The following SOX6 variants were observed in gnomAD, a reference collection of about 807,000 sequenced individuals.
The protein encoded by SOX6 is SRY-box transcription factor 6, also known as transcription factor SOX-6.
Under a neutral mutation model 97.8 loss-of-function variants are expected in SOX6, and 11 were observed. The ratio of observed to expected loss-of-function variants is 0.11; its 90% CI spans 0.07 to 0.19. The LOEUF is 0.19. Among genes scored for constraint, SOX6 ranks in the 10% least tolerant of loss-of-function variants. The pLI is 1.00. For synonymous variants in SOX6, 360 were observed against 371.4 expected (o/e 0.97, Z 0.35); for missense variants, 810 against 1,039.5 (o/e 0.78, Z 3.04).
chr11:16,227,938 C>T (rs939405762), intron 4 of SOX6, among the ~76,000 whole-genome samples: 4 of 152,120 alleles, frequency 2.6e-5, no homozygotes, highest in Non-Finnish European at 5.9e-5. Context: ...TGGCTCATGC[C>T]TGTAATTCCA....
intron 1 of SOX6, among the ~76,000 whole-genome samples, chr11:16,441,843 G>A (rs539784122): frequency 2.6e-5 from 4 of 152,130 alleles, no homozygotes; most frequent in South Asian, 2.1e-4. Context: ...GAAACACGCC[G>A]GTATTTTATC....
chr11:16,307,535 G>T (rs770279491), intron 3 of SOX6, among the ~76,000 whole-genome samples: 2 of 152,068 alleles, frequency 1.3e-5, no homozygotes, highest in Non-Finnish European at 2.9e-5. Flanking sequence ...TCTCTCCCCT[G>T]TCCATAACAT....
At chr11:15,986,055 A>G (rs1853827079) in intron 15 of SOX6, 149 bp downstream of exon 15, 3 of 805,754 alleles carry the variant, frequency 3.7e-6, no homozygotes, top group African/African-American at 1.7e-5. Context: ...TGCCCCTATG[A>G]CACAGCAAAG....
chr11:16,130,485 A>G (rs534774238), intron 6 of SOX6, among the ~76,000 whole-genome samples: 1 of 152,084 alleles, frequency 6.6e-6, no homozygotes, highest in East Asian at 1.9e-4. Flanking sequence ...GAAAATTACA[A>G]AGGAAAATTT....
At chr11:16,572,129 C>G (rs1443114348) in intron 4 of SOX6, among the ~76,000 whole-genome samples, 1 of 147,476 alleles carries the variant, frequency 6.8e-6, no homozygotes, top group Non-Finnish European at 1.5e-5. Context: ...ATAAATGTGT[C>G]ATGGTATACT....
intron 4 of SOX6, among the ~76,000 whole-genome samples, chr11:16,554,052 G>C (rs1406603991): frequency 6.6e-6 from 1 of 152,064 alleles, no homozygotes; most frequent in Non-Finnish European, 1.5e-5. Flanking sequence ...ATTGGTCATA[G>C]GGACCTATAG....
intron 4 of SOX6, among the ~76,000 whole-genome samples, chr11:16,483,201 T>C (rs1860373299): frequency 6.6e-6 from 1 of 152,180 alleles, no homozygotes. Flanking sequence ...AGCATACAAA[T>C]AAGAGGCAAT....
At position 16,605,272 on chromosome 11, in the gene SOX6, C is replaced by T. The variant is rs1338965161; in HGVS notation, n.609+6809G>A. On this transcript the variant is annotated intron_variant and non_coding_transcript_variant, in intron 4 of 5. Transcript: ENST00000524520. This position sits in a 1 kb window ranked among gnomAD's most constrained non-coding sequence, Gnocchi z 5.3. ...AGAAACGTGCCGGCGACCGTGCGCT[C>T]GGCCGGGTGACTCCCTGGCGAAGTC... 6.6e-6 allele frequency among the ~76,000 whole-genome samples: 1 copy of T among 152,088 alleles called. No homozygotes were observed. The highest frequency in any genetic ancestry group is 1.5e-5 in the Non-Finnish European group (1 of 67,998).
intron 4 of SOX6, among the ~76,000 whole-genome samples, chr11:16,561,172 A>G (rs1159209953): frequency 2.0e-5 from 3 of 152,140 alleles, no homozygotes; most frequent in Non-Finnish European, 2.9e-5. Flanking sequence ...GAGGAATAAG[A>G]AAGGGAATAA....
chr11:16,165,930 C>T (rs562016184), intron 6 of SOX6, among the ~76,000 whole-genome samples: 3 of 149,420 alleles, frequency 2.0e-5, no homozygotes, highest in African/African-American at 7.4e-5. Context: ...AGACTAAATA[C>T]ATAGCATTTA....
In SOX6 at chr11:16,038,108, G is replaced by T. The variant is rs964935819; in HGVS notation, c.1623+8406C>A. On this transcript the variant is annotated intron_variant, in intron 12 of 15. Coordinates refer to ENST00000683767, the MANE Select transcript of SOX6 (RefSeq NM_001367873.1). ...TGACATAGCATTTATGTTGTGTTAG[G>T]TATTATAAGTAATCTAGAGATGATT... Among the ~76,000 whole-genome samples, 15 of 152,248 alleles carry T rather than the reference G, an allele frequency of 9.9e-5. 1 individual carries two copies. The highest frequency in any genetic ancestry group is 9.8e-4 in the Admixed American group (15 of 15,294).
chr11:16,026,587 T>C (rs1244890538), intron 12 of SOX6, among the ~76,000 whole-genome samples: 1 of 152,194 alleles, frequency 6.6e-6, no homozygotes, highest in Non-Finnish European at 1.5e-5. Flanking sequence ...ATGCAAAGAC[T>C]GCTGCTAAGA....
intron 2 of SOX6, among the ~76,000 whole-genome samples, chr11:16,729,110 G>A (rs755827290): frequency 1.8e-4 from 27 of 152,224 alleles, no homozygotes; most frequent in Non-Finnish European, 3.5e-4. Context: ...TTTGATGGGT[G>A]TACCTGAAAG....
At chr11:16,506,416 T>C (rs1203503529) in intron 4 of SOX6, among the ~76,000 whole-genome samples, 3 of 152,186 alleles carry the variant, frequency 2.0e-5, no homozygotes, top group African/African-American at 7.2e-5. Context: ...CCCCATTGTA[T>C]CTTGGAAGTA....
intron 13 of SOX6, among the ~76,000 whole-genome samples, chr11:16,011,757 G>A (rs1351045422): frequency 6.6e-6 from 1 of 152,036 alleles, no homozygotes; most frequent in Non-Finnish European, 1.5e-5. Context: ...GACATGGGGG[G>A]AGGGCATAGC....
intron 1 of SOX6, among the ~76,000 whole-genome samples, chr11:16,468,437 G>A (rs1269594787): frequency 1.3e-5 from 2 of 152,186 alleles, no homozygotes; most frequent in African/African-American, 4.8e-5. Context: ...GTAGGATTCA[G>A]AGTAAGTCCT....
intron 3 of SOX6, among the ~76,000 whole-genome samples, chr11:16,308,539 G>A (rs1056264209): frequency 1.3e-5 from 2 of 152,176 alleles, no homozygotes; most frequent in African/African-American, 4.8e-5. Context: ...CATTCTGAGA[G>A]AGAGGTGAAG....
chr11:16,643,628 C>G (rs1206625754), intron 3 of SOX6, among the ~76,000 whole-genome samples: 2 of 152,090 alleles, frequency 1.3e-5, no homozygotes, highest in Admixed American at 6.5e-5. Flanking sequence ...CACCCCTCCC[C>G]CAGCCTCGCT....
chr11:16,201,336 A>G (rs1386092622), intron 4 of SOX6, among the ~76,000 whole-genome samples: 3 of 152,150 alleles, frequency 2.0e-5, no homozygotes, highest in African/African-American at 2.4e-5. Context: ...GTAATATTAC[A>G]TAAATAGAAC....
Sources: allele counts gnomAD v4.1 joint callset (sites outside exome capture counted in the v4.1 genomes callset), GRCh38; gene constraint gnomAD v4.1.1; non-coding constraint Gnocchi (gnomAD v3.1); transcripts MANE v1.5; gene names NCBI Gene and HGNC (gene_info 2026-07-23, HGNC 2026-07-21).